The following NCAM2 variants were observed in gnomAD, a reference collection of about 807,000 sequenced individuals.
The protein encoded by NCAM2 is N-CAM-2.
Under a neutral mutation model 98.1 loss-of-function variants are expected in NCAM2, and 30 were observed. The ratio of observed to expected loss-of-function variants is 0.31; its 90% CI spans 0.23 to 0.41. The LOEUF is 0.41. Among genes scored for constraint, NCAM2 ranks in the 10% least tolerant of loss-of-function variants. The pLI is 1.00. For synonymous variants in NCAM2, 368 were observed against 342.4 expected (o/e 1.07, Z -0.83); for missense variants, 867 against 1,005.8 (o/e 0.86, Z 1.87).
At chr21:21,498,670 C>T (rs774468235) in intron 15 of NCAM2, among the ~76,000 whole-genome samples, 3 of 151,836 alleles carry the variant, frequency 2.0e-5, no homozygotes, top group Admixed American at 2.0e-4. Flanking sequence ...CAGAGGGAGC[C>T]GAGACATACC....
chr21:21,355,069 A>G (rs1174986216), intron 8 of NCAM2, among the ~76,000 whole-genome samples: 1 of 152,100 alleles, frequency 6.6e-6, no homozygotes, highest in East Asian at 1.9e-4. Flanking sequence ...TTCAACTTTA[A>G]TTTTTGTACT....
At chr21:21,503,645 G>A (rs969099225) in intron 15 of NCAM2, among the ~76,000 whole-genome samples, 20 of 151,922 alleles carry the variant, frequency 1.3e-4, no homozygotes, top group Non-Finnish European at 5.9e-5. Context: ...CTGTATATAA[G>A]ACATTTGAAT....
At chr21:21,184,369 G>A (rs1205650722) in intron 1 of NCAM2, among the ~76,000 whole-genome samples, 1 of 151,832 alleles carries the variant, frequency 6.6e-6, no homozygotes, top group Non-Finnish European at 1.5e-5. Flanking sequence ...AAAGAGTGTT[G>A]AACATTCTCT....
chr21:21,244,283 T>C (rs2071178824), intron 1 of NCAM2, among the ~76,000 whole-genome samples: 1 of 152,074 alleles, frequency 6.6e-6, no homozygotes, highest in Admixed American at 6.5e-5. Flanking sequence ...AAAATAGAAG[T>C]AACAAGAATG....
At chr21:21,451,789 G>A (rs1981110603) in intron 12 of NCAM2, among the ~76,000 whole-genome samples, 1 of 152,038 alleles carries the variant, frequency 6.6e-6, no homozygotes, top group African/African-American at 2.4e-5. Flanking sequence ...TCATGACGCT[G>A]CTTCAACTTG....
intron 1 of NCAM2, among the ~76,000 whole-genome samples, chr21:21,114,126 A>G (rs2146537342): frequency 6.6e-6 from 1 of 152,300 alleles, no homozygotes; most frequent in Admixed American, 6.5e-5. Context: ...TATTTTCTAC[A>G]GTATTTATTA....
intron 1 of NCAM2, among the ~76,000 whole-genome samples, chr21:21,150,100 T>C (rs910651460): frequency 6.6e-6 from 1 of 152,148 alleles, no homozygotes; most frequent in African/African-American, 2.4e-5. Context: ...TTATATATTA[T>C]GTGAAATTTT....
intron 15 of NCAM2, among the ~76,000 whole-genome samples, chr21:21,495,254 A>G (rs1158221192): frequency 6.6e-6 from 1 of 151,990 alleles, no homozygotes; most frequent in Non-Finnish European, 1.5e-5. Flanking sequence ...AAATATACCA[A>G]TAGACTTTAA....
chr21:21,446,313 T>C (rs1439800352), intron 12 of NCAM2, among the ~76,000 whole-genome samples: 1 of 152,050 alleles, frequency 6.6e-6, no homozygotes, highest in Non-Finnish European at 1.5e-5. Flanking sequence ...TGTCTTGGGG[T>C]TGACCTTCTT....
At chr21:21,401,948 A>G (rs980544752) in intron 9 of NCAM2, among the ~76,000 whole-genome samples, 2 of 152,146 alleles carry the variant, frequency 1.3e-5, no homozygotes, top group Admixed American at 6.6e-5. Flanking sequence ...AATAATACTC[A>G]TAATTTCTTA....
Position 21,284,175 on chromosome 21 carries a change from T to C in NCAM2, c.131-19T>C, listed in dbSNP as rs747706126. 1.3e-6 allele frequency: 2 copies of C among 1,584,384 alleles called. No individual in the cohort carries two copies. The highest frequency in any genetic ancestry group is 1.7e-6 in the Non-Finnish European group (2 of 1,153,806). The stretch of plus-strand genomic sequence containing the variant: ...TTTTTAACAATTTTCAAACCTTTAT[T>C]TTCCATGGCTCTTTGCAGCGATTGG... On this transcript the variant is annotated intron_variant, in intron 2 of 17. Coordinates refer to ENST00000400546, the MANE Select transcript of NCAM2 (RefSeq NM_004540.5).
At chr21:21,462,041 T>C (rs1028057676) in intron 12 of NCAM2, among the ~76,000 whole-genome samples, 1 of 152,102 alleles carries the variant, frequency 6.6e-6, no homozygotes, top group Non-Finnish European at 1.5e-5. Context: ...TTTGTTTCTT[T>C]TAATTGTTTA....
At chr21:21,400,826 A>G (rs1448283173) in intron 9 of NCAM2, among the ~76,000 whole-genome samples, 5 of 152,162 alleles carry the variant, frequency 3.3e-5, no homozygotes, top group African/African-American at 1.2e-4. Flanking sequence ...TATTATCCCA[A>G]GTGGCTTACA....
chr21:21,462,905 T>C (rs572999552), intron 12 of NCAM2, among the ~76,000 whole-genome samples: 2 of 152,238 alleles, frequency 1.3e-5, no homozygotes, highest in Admixed American at 6.6e-5. Context: ...ATTTATACTT[T>C]GTCCTTAAAA....
At chr21:21,165,936 T>C (rs561908987) in intron 1 of NCAM2, among the ~76,000 whole-genome samples, 1 of 152,270 alleles carries the variant, frequency 6.6e-6, no homozygotes, top group South Asian at 2.1e-4. Flanking sequence ...TAATTTAATT[T>C]GACTATGCTA....
At chr21:21,072,434 A>G (rs1345547956) in intron 1 of NCAM2, among the ~76,000 whole-genome samples, 1 of 152,190 alleles carries the variant, frequency 6.6e-6, no homozygotes, top group Non-Finnish European at 1.5e-5. Context: ...CTTATAGAAA[A>G]CTTACAAAAT....
At chr21:21,415,502 A>AT (rs2076975491) in intron 10 of NCAM2, among the ~76,000 whole-genome samples, 1 of 151,296 alleles carries the variant, frequency 6.6e-6, no homozygotes, top group Non-Finnish European at 1.5e-5. Flanking sequence ...CGCCCGGCTA[A>AT]TTTTTTGTAC....
intron 6 of NCAM2, among the ~76,000 whole-genome samples, chr21:21,328,982 TCTCA>T (rs1343485939): frequency 6.8e-6 from 1 of 147,370 alleles, no homozygotes; most frequent in African/African-American, 2.5e-5. Flanking sequence ...TGAGATGGAG[TCTCA>T]CTCTGTCACC....
At chr21:21,229,988 T>C (rs1455410827) in intron 1 of NCAM2, among the ~76,000 whole-genome samples, 5 of 151,294 alleles carry the variant, frequency 3.3e-5, no homozygotes, top group Non-Finnish European at 7.4e-5. Flanking sequence ...TTCTAACAGA[T>C]TTATATTTAT....
Sources: gnomAD v4.1 joint callset for allele counts (sites outside exome capture counted in the v4.1 genomes callset) on GRCh38, gnomAD v4.1.1 for gene constraint, MANE v1.5 for transcripts, NCBI Gene and HGNC (gene_info 2026-07-23, HGNC 2026-07-21) for gene names.